AXL: variants seen among roughly 807,000 people sequenced by gnomAD.
AXL encodes the protein tyrosine-protein kinase receptor UFO.
In AXL, 52 loss-of-function variants were observed where a neutral mutation model predicts 104.5. That is an observed-to-expected ratio of 0.50 (90% CI 0.40 to 0.63). The LOEUF (loss-of-function observed/expected upper bound fraction) is 0.63, where lower values mean the gene tolerates loss of function less well. Ranked by LOEUF, AXL falls within the 20% of genes least tolerant of loss-of-function variation. The probability of loss-of-function intolerance (pLI) is 0.00; values close to 1 mark genes in which losing one functional copy is unlikely to be tolerated. For synonymous variants in AXL, 455 were observed against 473.7 expected, an observed-to-expected ratio of 0.96 and a Z score of 0.51; for missense variants, 1,024 against 1,188.5, an observed-to-expected ratio of 0.86 and a Z score of 2.04.
chr19:41,234,345 G>A (rs1012625081), intron 6 of AXL, among the ~76,000 whole-genome samples: 15 of 152,118 alleles, frequency 9.9e-5, no homozygotes, highest in Non-Finnish European at 1.5e-5. Flanking sequence ...GCTAGGCCGG[G>A]TGCCATGGCT....
At chr19:41,232,256 C>T (rs1268368299) in intron 6 of AXL, among the ~76,000 whole-genome samples, 4 of 152,284 alleles carry the variant, frequency 2.6e-5, no homozygotes, top group Non-Finnish European at 4.4e-5. Flanking sequence ...AGGGAATATT[C>T]GCTAGAAGGA....
intron 8 of AXL, 124 bp downstream of exon 8, chr19:41,238,733 A>G (rs1174764780): frequency 7.4e-7 from 1 of 1,343,330 alleles, no homozygotes; most frequent in Non-Finnish European, 1.0e-6. Context: ...TAGGGGGCAC[A>G]TTCAGGGAAG....
chr19:41,241,543 CAA>C (rs11457010), intron 10 of AXL, among the ~76,000 whole-genome samples: 70 of 67,044 alleles, frequency 1.0e-3, no homozygotes, highest in African/African-American at 2.9e-3. Context: ...GACTCTGTCT[CAA>C]AAAAAAAAAA....
At chr19:41,241,625 A>G (rs1399810651) in intron 10 of AXL, among the ~76,000 whole-genome samples, 1 of 151,748 alleles carries the variant, frequency 6.6e-6, no homozygotes, top group Non-Finnish European at 1.5e-5. Flanking sequence ...CAGGTGGCAC[A>G]GACCTGCAGT....
chr19:41,238,295 G>T, intron 7 of AXL, 141 bp downstream of exon 7: 1 of 1,418,638 alleles, frequency 7.0e-7, no homozygotes. Flanking sequence ...CCCCTCAGCA[G>T]CACTGCCCGC....
At chr19:41,236,755 C>G (rs570681826) in intron 6 of AXL, among the ~76,000 whole-genome samples, 4 of 144,102 alleles carry the variant, frequency 2.8e-5, no homozygotes, top group Admixed American at 7.2e-5. Context: ...ATAGCCTGGG[C>G]GACAGAGCAA....
At chr19:41,242,456 G>A (rs1302798329) in intron 10 of AXL, among the ~76,000 whole-genome samples, 1 of 151,290 alleles carries the variant, frequency 6.6e-6, no homozygotes, top group African/African-American at 2.4e-5. Context: ...CCGAGTAGCT[G>A]GGATTGCAGG....
intron 12 of AXL, among the ~76,000 whole-genome samples, chr19:41,245,769 C>CAGAA (rs1404292850): frequency 6.6e-6 from 1 of 150,636 alleles, no homozygotes; most frequent in African/African-American, 2.4e-5. Flanking sequence ...AACTGAAATC[C>CAGAA]AGAAAGAAAA....
At chr19:41,254,756 A>G (rs985979802) in intron 17 of AXL, among the ~76,000 whole-genome samples, 1 of 152,066 alleles carries the variant, frequency 6.6e-6, no homozygotes, top group Admixed American at 6.6e-5. Context: ...TGTCTTTACA[A>G]AAAATAAATT....
Position 41,260,079 on chromosome 19 carries a change from AC to A in AXL, c.*177del. The stretch of plus-strand genomic sequence containing the variant: ...CTCCCCTTCTCTGTGCAGTAGCATC[AC>A]CTTGAAAGCAGTAGCATCACCATCT... On this transcript the variant is annotated 3_prime_UTR_variant, in exon 20 of 20. Coordinates refer to ENST00000301178, the MANE Select transcript of AXL (RefSeq NM_021913.5). 1.7e-6 allele frequency: 1 copy of A among 576,986 alleles called. No individual in the cohort carries two copies. Among genetic ancestry groups the A allele is most frequent in the Non-Finnish European group, 3.0e-6 (1 of 334,274 alleles). 35.7% of individuals were successfully genotyped at this position (576,986 alleles called of 1,614,324 possible).
At chr19:41,243,115 G>A (rs2122247911) in intron 11 of AXL, 100 bp downstream of exon 11, 14 of 1,544,150 alleles carry the variant, frequency 9.1e-6, no homozygotes, top group Non-Finnish European at 1.2e-5. Context: ...TGATGACTAA[G>A]AATCAGAATG....
rs559320037 is a variant in AXL, at chr19:41,236,503, G to A, written c.784-1441G>A. On this transcript the variant is annotated intron_variant, in intron 6 of 19. Transcript: ENST00000301178. The stretch of plus-strand genomic sequence containing the variant: ...GGTGATGAAATGAGACTCATAGGCC[G>A]GGCACGGTGGCTCACACCTGTAATC... 4.0e-5 allele frequency among the ~76,000 whole-genome samples: 6 copies of A among 151,272 alleles called. No homozygotes were observed. In the South Asian group the frequency reaches 6.3e-4, roughly 16 times the overall value.
Position 41,245,713 on chromosome 19 carries a change from C to CAA in AXL, c.1537+2025_1537+2026dup, listed in dbSNP as rs371879527. The stretch of plus-strand genomic sequence containing the variant: ...TGGGTGATAGAGCAAGACACCGTCT[C>CAA]AAAAAAAAAAAAAAAAAAAAGGAAT... On this transcript the variant is annotated intron_variant, in intron 12 of 19. Transcript: ENST00000301178. 1.0e-3 allele frequency among the ~76,000 whole-genome samples: 65 copies of CAA among 62,848 alleles called. 2 individuals carry two copies. The highest frequency in any genetic ancestry group is 2.8e-3 in the African/African-American group (50 of 17,634). The allele number at this position is 62,848 out of a possible 152,430, so 41.2% of individuals were successfully genotyped here. A position where few individuals can be genotyped will look rare whatever the true frequency, so the allele number is the denominator to read the frequency against.
chr19:41,238,417 AG>A, intron 7 of AXL, 52 bp from the exon 8 acceptor site: 3 of 1,587,450 alleles, frequency 1.9e-6, no homozygotes, highest in Non-Finnish European at 2.6e-6. Context: ...GGAACAGGGG[AG>A]GGGGTCAGGA....
chr19:41,243,696 C>T lies in AXL; in HGVS notation c.1526C>T (p.Thr509Ile). The change falls in exon 12 of 20, where the codon ACT becomes ATT. Residue 509 changes from threonine (T) to isoleucine (I), a missense_variant. Physicochemically the swap from Thr to Ile is moderately conservative, Grantham distance 89 (BLOSUM62 -1). Transcript: ENST00000301178. ...CGCAAGTCCTACAGTCGTCGGACCACTGAAGCTACCTGTAAGTGAACCCTA... is the reference window on the plus strand; with the variant it reads ...CGCAAGTCCTACAGTCGTCGGACCATTGAAGCTACCTGTAAGTGAACCCTA... ...RVRKSYSRRT[T>I]EATLNSLGIS... 1 of 1,613,582 alleles carries T rather than the reference C, an allele frequency of 6.2e-7. No homozygotes were observed. The highest frequency in any genetic ancestry group is 2.2e-5 in the East Asian group (1 of 44,876).
intron 12 of AXL, among the ~76,000 whole-genome samples, chr19:41,246,500 G>A (rs996983779): frequency 6.7e-6 from 1 of 149,878 alleles, no homozygotes; most frequent in Non-Finnish European, 1.5e-5. Flanking sequence ...CCAGGAGTTT[G>A]AAACCAGTGT....
In AXL at chr19:41,253,042, T is replaced by G. The variant is rs991952808; in HGVS notation, c.1926+75T>G. 3.9e-6 allele frequency: 6 copies of G among 1,523,914 alleles called. No homozygotes were observed. In the Admixed American group the frequency reaches 7.3e-5, roughly 18 times the overall value. The allele number at this position is 1,523,914 out of a possible 1,614,324, so 94.4% of individuals were successfully genotyped here. Reference sequence around the variant, plus strand: ...CAGGTACCCAGTGCTGCTCAGACCCTGGGAAGACCACGGTGACCAGGAGCT... The same window carrying G: ...CAGGTACCCAGTGCTGCTCAGACCCGGGGAAGACCACGGTGACCAGGAGCT... On this transcript the variant is annotated intron_variant, in intron 16 of 19. Transcript: ENST00000301178.
At position 41,260,012 on chromosome 19, in the gene AXL, C is replaced by T. The variant is rs2034513210; in HGVS notation, c.*108C>T. ...CCCCACGCCTTATCCCCACTTGCAG[C>T]CCTGTCTTCCTACCTATCCCACCTC... On this transcript the variant is annotated 3_prime_UTR_variant, in exon 20 of 20. Transcript: ENST00000301178. 17 of 1,031,080 alleles carry T rather than the reference C, an allele frequency of 1.6e-5. No homozygotes were observed. The highest frequency in any genetic ancestry group is 2.1e-5 in the Non-Finnish European group (15 of 725,620). 63.9% of individuals were successfully genotyped at this position (1,031,080 alleles called of 1,614,324 possible).
intron 10 of AXL, among the ~76,000 whole-genome samples, chr19:41,240,280 G>A (rs1044210943): frequency 6.6e-6 from 1 of 151,250 alleles, no homozygotes; most frequent in African/African-American, 2.4e-5. Flanking sequence ...TATGGAGGGT[G>A]GATGGGTGGG....
Sources: gnomAD v4.1 joint callset for allele counts (sites outside exome capture counted in the v4.1 genomes callset) on GRCh38, gnomAD v4.1.1 for gene constraint, MANE v1.5 for transcripts, NCBI Gene and HGNC (gene_info 2026-07-23, HGNC 2026-07-21) for gene names.